SLC30A7: variants seen among roughly 807,000 people sequenced by gnomAD.
The protein encoded by SLC30A7 is solute carrier family 30 member 7, also known as zinc transporter 7.
SLC30A7 carries 35 observed loss-of-function variants against 46.0 expected under a neutral mutation model. That is an observed-to-expected ratio of 0.76 (90% CI 0.58 to 1.01). The LOEUF is 1.01. SLC30A7 is among the 50% of genes least tolerant of loss of function. The pLI is 0.00. For synonymous variants in SLC30A7, 147 were observed against 157.8 expected, an observed-to-expected ratio of 0.93 and a Z score of 0.51; for missense variants, 464 against 451.1, an observed-to-expected ratio of 1.03 and a Z score of -0.26.
the SLC30A7 span, chr1:100,992,705 C>T: frequency 6.2e-7 from 1 of 1,613,894 alleles, no homozygotes. Flanking sequence ...TTGGTTTACA[C>T]TCATATACCG....
At position 100,976,013 on chromosome 1, in the gene SLC30A7, T is replaced by G. The variant is rs1656474328; in HGVS notation, c.*1156T>G. On this transcript the variant is annotated 3_prime_UTR_variant, in exon 11 of 11. Coordinates refer to ENST00000357650, the MANE Select transcript of SLC30A7 (RefSeq NM_133496.5). ...CAGAAAATAAAAGGTGTTAATTTGC[T>G]TTTTAAAACAAATTTAATTATCACA... 6.6e-6 allele frequency: 1 copy of G among 152,588 alleles called. No individual in the cohort carries two copies. The highest frequency in any genetic ancestry group is 2.4e-5 in the African/African-American group (1 of 41,424). 9.5% of individuals were successfully genotyped at this position (152,588 alleles called of 1,614,324 possible).
intron 8 of SLC30A7, among the ~76,000 whole-genome samples, chr1:100,936,050 C>A (rs1653940618): frequency 1.3e-5 from 2 of 151,956 alleles, no homozygotes. Context: ...TTACCAGATA[C>A]CAATATTTTA....
intron 2 of SLC30A7, among the ~76,000 whole-genome samples, chr1:100,904,396 A>G (rs140418373): frequency 6.6e-5 from 10 of 152,128 alleles, no homozygotes; most frequent in Admixed American, 4.6e-4. Flanking sequence ...TTCTCTACCA[A>G]ATTCCCCACT....
the SLC30A7 span, among the ~76,000 whole-genome samples, chr1:100,986,910 AT>A: frequency 7.9e-5 from 12 of 151,482 alleles, no homozygotes; most frequent in Admixed American, 4.6e-4. Context: ...ACACTATTAA[AT>A]AATCAAATGT....
downstream of SLC30A7, among the ~76,000 whole-genome samples, chr1:100,986,209 G>A (rs376513393): frequency 1.3e-5 from 2 of 152,036 alleles, no homozygotes; most frequent in Middle Eastern, 3.4e-3. Flanking sequence ...TGGGAGTTCG[G>A]GACCAGCCTG....
At chr1:100,912,819 A>G (rs561191698) in intron 5 of SLC30A7, among the ~76,000 whole-genome samples, 110 of 151,862 alleles carry the variant, frequency 7.2e-4, no homozygotes, top group African/African-American at 2.6e-3. Context: ...TGGAGGTTGC[A>G]GCGAGCCGAG....
intron 7 of SLC30A7, 68 bp downstream of exon 7, chr1:100,918,195 G>A (rs1248266686): frequency 1.4e-5 from 19 of 1,329,888 alleles, no homozygotes; most frequent in Non-Finnish European, 1.9e-5. Context: ...AGTTTTAGTT[G>A]TCTGAAGTTT....
At chr1:100,952,074 T>C (rs534889713) in intron 8 of SLC30A7, among the ~76,000 whole-genome samples, 4 of 152,346 alleles carry the variant, frequency 2.6e-5, no homozygotes, top group East Asian at 1.9e-4. Context: ...GACCTCTAGA[T>C]GTCACGAAAG....
chr1:100,964,749 C>G (rs1299125282), intron 9 of SLC30A7, among the ~76,000 whole-genome samples: 1 of 152,170 alleles, frequency 6.6e-6, no homozygotes, highest in Admixed American at 6.5e-5. Context: ...CAGGTTATTT[C>G]ATTAACAGTG....
At chr1:100,943,978 A>G (rs1393694719) in intron 8 of SLC30A7, among the ~76,000 whole-genome samples, 2 of 152,258 alleles carry the variant, frequency 1.3e-5, no homozygotes, top group South Asian at 2.1e-4. Context: ...GGAAGAATAA[A>G]TCAAAAGCAA....
chr1:100,929,221 T>C (rs1653517524), intron 8 of SLC30A7, among the ~76,000 whole-genome samples: 1 of 152,152 alleles, frequency 6.6e-6, no homozygotes, highest in Non-Finnish European at 1.5e-5. Context: ...AAATTACATC[T>C]CTTGCCTAAT....
chr1:100,931,216 A>G (rs577279669), intron 8 of SLC30A7, among the ~76,000 whole-genome samples: 2 of 152,276 alleles, frequency 1.3e-5, no homozygotes, highest in African/African-American at 4.8e-5. Flanking sequence ...CTTTGTCCTC[A>G]ACACTTTCTT....
At chr1:100,911,324 G>C (rs1284873110) in intron 4 of SLC30A7, among the ~76,000 whole-genome samples, 174 bp downstream of exon 4, 3 of 152,026 alleles carry the variant, frequency 2.0e-5, no homozygotes, top group Non-Finnish European at 4.4e-5. Flanking sequence ...AAATATATAT[G>C]AATCTTCTTG....
chr1:100,958,103 C>T (rs1655327330), intron 8 of SLC30A7, among the ~76,000 whole-genome samples: 1 of 151,992 alleles, frequency 6.6e-6, no homozygotes, highest in Non-Finnish European at 1.5e-5. Context: ...CATTTTTTTT[C>T]TCTTTCTCCA....
intron 8 of SLC30A7, among the ~76,000 whole-genome samples, chr1:100,946,549 GT>G (rs1654648983): frequency 6.6e-6 from 1 of 152,100 alleles, no homozygotes; most frequent in African/African-American, 2.4e-5. Context: ...TAATCATGTG[GT>G]TTTTGTAGTT....
chr1:100,993,865 C>A, the SLC30A7 span, among the ~76,000 whole-genome samples: 1 of 151,538 alleles, frequency 6.6e-6, no homozygotes, highest in Non-Finnish European at 1.5e-5. Context: ...CTCAGCCTCC[C>A]GAGTAGCTGG....
intron 8 of SLC30A7, among the ~76,000 whole-genome samples, chr1:100,924,023 A>G (rs1050285810): frequency 2.0e-5 from 3 of 152,188 alleles, no homozygotes; most frequent in Non-Finnish European, 4.4e-5. Context: ...CACTCTTACT[A>G]TTCTAATTCT....
chr1:100,935,127 T>C (rs1266437451), intron 8 of SLC30A7, among the ~76,000 whole-genome samples: 3 of 152,258 alleles, frequency 2.0e-5, no homozygotes, highest in Non-Finnish European at 2.9e-5. Flanking sequence ...TCATTTATTT[T>C]TAGAAATACC....
rs994606925 is a variant in SLC30A7 at position 100,906,492 on chromosome 1, C to CAAGCAGG, written c.183-359_183-353dup. Among the ~76,000 whole-genome samples, 23 of 152,102 alleles carry CAAGCAGG rather than the reference C, an allele frequency of 1.5e-4. 1 individual carries two copies. Among genetic ancestry groups the CAAGCAGG allele is most frequent in the Admixed American group, 1.2e-3 (19 of 15,268 alleles). Reference sequence around the variant, plus strand: ...CCTTTGCTTTGTAAGATCCTGGGTGCAAGCAGGTATCAGCCTCGTCCCAGT... The same window carrying CAAGCAGG: ...CCTTTGCTTTGTAAGATCCTGGGTGCAAGCAGGAAGCAGGTATCAGCCTCGTCCCAGT... On this transcript the variant is annotated intron_variant, in intron 2 of 10. Coordinates refer to ENST00000357650, the MANE Select transcript of SLC30A7 (RefSeq NM_133496.5).
Sources: gnomAD v4.1 joint callset for allele counts (sites outside exome capture counted in the v4.1 genomes callset) on GRCh38, gnomAD v4.1.1 for gene constraint, MANE v1.5 for transcripts, NCBI Gene and HGNC (gene_info 2026-07-23, HGNC 2026-07-21) for gene names.